The following IL4I1 variants were observed in gnomAD, a reference collection of about 807,000 sequenced individuals.
IL4I1 encodes the protein interleukin 4 induced 1.
Under a neutral mutation model 29.7 loss-of-function variants are expected in IL4I1, and 24 were observed. The observed-to-expected ratio is 0.81, with a 90% CI of 0.59 to 1.14. The LOEUF (loss-of-function observed/expected upper bound fraction) is 1.14, where lower values mean the gene tolerates loss of function less well. Ranked by LOEUF, IL4I1 falls within the 50% of genes most tolerant of loss-of-function variation. The pLI is 0.00. For missense variants in IL4I1, 686 were observed against 785.6 expected, an observed-to-expected ratio of 0.87 and a Z score of 1.52; for synonymous variants, 371 against 352.5, an observed-to-expected ratio of 1.05 and a Z score of -0.59.
At chr19:49,907,602 T>A (rs528083527) in intron 2 of IL4I1, 41 of 409,556 alleles carry the variant, frequency 1.0e-4, no homozygotes, top group Non-Finnish European at 1.7e-4. Flanking sequence ...AGTGGTGTGA[T>A]CTTGGTTCAC....
At chr19:49,918,002 T>C (rs2075667939) in intron 2 of IL4I1, among the ~76,000 whole-genome samples, 1 of 151,552 alleles carries the variant, frequency 6.6e-6, no homozygotes, top group Non-Finnish European at 1.5e-5. Flanking sequence ...CGAGACTCTG[T>C]CTAAAACAAA....
At chr19:49,900,837 T>C (rs1019951311), upstream of IL4I1, among the ~76,000 whole-genome samples, 1 of 152,150 alleles carries the variant, frequency 6.6e-6, no homozygotes, top group African/African-American at 2.4e-5. Flanking sequence ...CAGATAATGG[T>C]CTTTGGTGGG....
At chr19:49,927,773 C>T (rs2075938502) in exon 2 of IL4I1, 2 of 152,396 alleles carry the variant, frequency 1.3e-5, no homozygotes, top group South Asian at 4.1e-4. Flanking sequence ...GAAGGTTGAA[C>T]TCCAGCTGGG....
intron 2 of IL4I1, among the ~76,000 whole-genome samples, chr19:49,922,101 G>A (rs183971822): frequency 2.6e-5 from 4 of 152,300 alleles, no homozygotes; most frequent in African/African-American, 9.6e-5. Context: ...TCCTGACTCA[G>A]AGCTGCTGGC....
intron 2 of IL4I1, among the ~76,000 whole-genome samples, chr19:49,910,075 AGCCGGGGTGCTAGGGACGT>A: frequency 6.6e-6 from 1 of 152,080 alleles, no homozygotes; most frequent in Admixed American, 6.5e-5. Context: ...AGGTACGAGG[AGCCGGGGTGCTAGGGACGT>A]GCGTGGCCAT....
rs1010231547 is a variant in IL4I1, at chr19:49,921,675, C to T, written c.-228+6019G>A. 5.9e-5 allele frequency among the ~76,000 whole-genome samples: 9 copies of T among 152,224 alleles called. No homozygotes were observed. The highest frequency in any genetic ancestry group is 8.8e-5 in the Non-Finnish European group (6 of 68,036). On this transcript the variant is annotated intron_variant, in intron 2 of 9. Transcript: ENST00000341114. The surrounding 1 kb of genome is among the most constrained non-coding windows in gnomAD (Gnocchi z 5.4). ...TCAAAACTCTCCATGGGGGGTACCC[C>T]TCTGCCCATTGAGGGGGCACCTAGG...
At chr19:49,903,892 T>A (rs1312088156) in intron 3 of IL4I1, among the ~76,000 whole-genome samples, 1 of 130,432 alleles carries the variant, frequency 7.7e-6, no homozygotes, top group East Asian at 2.4e-4. Context: ...CAGGCTGGAG[T>A]GCAGTGGTAC....
chr19:49,907,691 A>G (rs569495944), intron 2 of IL4I1: 2 of 349,834 alleles, frequency 5.7e-6, no homozygotes, highest in East Asian at 8.2e-5. Flanking sequence ...GGCGTCCACC[A>G]CACCTGACTA....
intron 2 of IL4I1, among the ~76,000 whole-genome samples, chr19:49,913,324 G>A (rs1331473018): frequency 6.6e-6 from 1 of 152,330 alleles, no homozygotes; most frequent in South Asian, 2.1e-4. Context: ...CCAGCTCCAG[G>A]AGAATCTCTA....
chr19:49,929,494 A>G (rs1295800361), exon 1 of IL4I1: 1 of 151,962 alleles, frequency 6.6e-6, no homozygotes, highest in Non-Finnish European at 1.5e-5. Flanking sequence ...GGGAGTCGCG[A>G]GCGGGGAATC....
chr19:49,904,221 A>G lies in IL4I1; in HGVS notation c.-127T>C, dbSNP rs151114495. The G allele has an allele frequency of 3.9e-5, 6 of 152,338 alleles. 1 individual carries two copies. Among genetic ancestry groups the G allele is most frequent in the African/African-American group, 1.4e-4 (6 of 41,570 alleles). 9.4% of individuals were successfully genotyped at this position (152,338 alleles called of 1,614,324 possible). A position where few individuals can be genotyped will look rare whatever the true frequency, so the allele number is the denominator to read the frequency against. On this transcript the variant is annotated 5_prime_UTR_variant, in exon 3 of 10. Coordinates refer to the IL4I1 transcript ENST00000341114. ...CACCTTTAAAAGCCTCTGATTCCAA[A>G]TTTAGTCACCAAATGTGTTGTCTTC...
intron 2 of IL4I1, chr19:49,908,131 A>C: frequency 6.6e-7 from 1 of 1,524,650 alleles, no homozygotes; most frequent in Non-Finnish European, 8.8e-7. Context: ...CATGTGAAAG[A>C]AAGAAACAAA....
intron 4 of IL4I1, among the ~76,000 whole-genome samples, chr19:49,894,742 G>A (rs1035459788): frequency 1.4e-4 from 21 of 151,938 alleles, no homozygotes; most frequent in Admixed American, 1.2e-3. Flanking sequence ...TGGGTTGGAC[G>A]GGGGTTTGAG....
At chr19:49,920,473 G>C (rs1254880695) in intron 2 of IL4I1, among the ~76,000 whole-genome samples, 1 of 152,190 alleles carries the variant, frequency 6.6e-6, no homozygotes, top group Non-Finnish European at 1.5e-5. Context: ...CACTAAGTTG[G>C]ACACTGATAA....
At chr19:49,906,276 A>G (rs1480122651) in intron 2 of IL4I1, among the ~76,000 whole-genome samples, 1 of 152,044 alleles carries the variant, frequency 6.6e-6, no homozygotes, top group Non-Finnish European at 1.5e-5. Context: ...TGGTGTGATC[A>G]TGGCTCACTG....
chr19:49,925,591 G>GA (rs1370279494), intron 2 of IL4I1, among the ~76,000 whole-genome samples: 1 of 152,140 alleles, frequency 6.6e-6, no homozygotes, highest in Non-Finnish European at 1.5e-5. Flanking sequence ...GAAGGACAAG[G>GA]AAAGTCTAAA....
chr19:49,894,163 T>C, intron 5 of IL4I1, 105 bp downstream of exon 5: 4 of 1,070,586 alleles, frequency 3.7e-6, no homozygotes, highest in Non-Finnish European at 5.5e-6. Context: ...CCCCACCCCA[T>C]GGAGGGGACT....
intron 6 of IL4I1, 79 bp downstream of exon 6, chr19:49,891,326 C>T (rs2075135860): frequency 1.3e-6 from 2 of 1,517,870 alleles, no homozygotes; most frequent in East Asian, 2.3e-5. Context: ...GCCAGGTACC[C>T]GCCTTCTGAC....
chr19:49,890,866 C>G, intron 7 of IL4I1, 105 bp downstream of exon 7: 1 of 1,031,496 alleles, frequency 9.7e-7, no homozygotes, highest in Non-Finnish European at 1.4e-6. Flanking sequence ...AGGCCACGCC[C>G]TTCACAACAG....
Sources: gnomAD v4.1 joint callset for allele counts (sites outside exome capture counted in the v4.1 genomes callset) on GRCh38, gnomAD v4.1.1 for gene constraint, Gnocchi (gnomAD v3.1) non-coding constraint, MANE v1.5 for transcripts, NCBI Gene and HGNC (gene_info 2026-07-23, HGNC 2026-07-21) for gene names.